MID1: variants seen among roughly 807,000 people sequenced by gnomAD.
The protein encoded by MID1 is E3 ubiquitin-protein ligase Midline-1.
Under a neutral mutation model 40.4 loss-of-function variants are expected in MID1, and 7 were observed. The ratio of observed to expected loss-of-function variants is 0.17; its 90% CI spans 0.10 to 0.33. The LOEUF (loss-of-function observed/expected upper bound fraction) is 0.33, where lower values mean the gene tolerates loss of function less well. Among genes scored for constraint, MID1 ranks in the 10% least tolerant of loss-of-function variants. The pLI, the probability that MID1 is intolerant of heterozygous loss-of-function variation, is 1.00. For synonymous variants in MID1, 229 were observed against 221.2 expected, an observed-to-expected ratio of 1.04 and a Z score of -0.31; for missense variants, 367 against 558.5, an observed-to-expected ratio of 0.66 and a Z score of 3.46.
Position 10,732,945 on chromosome X carries a change from C to T in MID1, c.-187+100609G>A, listed in dbSNP as rs377053486. 5.1e-4 allele frequency among the ~76,000 whole-genome samples: 55 copies of T among 107,772 alleles called. 1 individual carries two copies. Among genetic ancestry groups the T allele is most frequent in the African/African-American group, 1.4e-3 (42 of 29,540 alleles). 93.6% of individuals were successfully genotyped at this position (107,772 alleles called of 115,157 possible). Reference sequence around the variant, plus strand: ...GTGGCGCGATCTCCGCTCACTGCAACCTCCACCTCCCGGGTTCATGCCATT... The same window carrying T: ...GTGGCGCGATCTCCGCTCACTGCAATCTCCACCTCCCGGGTTCATGCCATT... On this transcript the variant is annotated intron_variant, in intron 1 of 10. Coordinates refer to the MID1 transcript ENST00000380785.
intron 1 of MID1, among the ~76,000 whole-genome samples, chrX:10,761,383 G>A (rs2043677235): frequency 8.9e-6 from 1 of 111,910 alleles, no homozygotes; most frequent in Non-Finnish European, 1.9e-5. Flanking sequence ...TACCAATAAA[G>A]TTTTGTTCTC....
At chrX:10,744,684 G>A (rs1314993920) in intron 1 of MID1, among the ~76,000 whole-genome samples, 1 of 111,201 alleles carries the variant, frequency 9.0e-6, no homozygotes, top group Non-Finnish European at 1.9e-5. Flanking sequence ...AATAGGGGCA[G>A]AATAATGTAA....
intron 1 of MID1, among the ~76,000 whole-genome samples, chrX:10,580,949 A>AC (rs1569114520): frequency 9.2e-6 from 1 of 108,159 alleles, no homozygotes; most frequent in African/African-American, 3.4e-5. Flanking sequence ...AAAAAAAAAA[A>AC]AAAAAAAAAC....
At chrX:10,520,415 T>C (rs753087643) in intron 3 of MID1, among the ~76,000 whole-genome samples, 18 of 112,250 alleles carry the variant, frequency 1.6e-4, no homozygotes, top group Admixed American at 3.8e-4. Flanking sequence ...TTGGCTACTC[T>C]ACTGTTCTTT....
rs773135761 is a variant in MID1 at position 10,766,266 on chromosome X, C to G, written c.-187+67288G>C. On this transcript the variant is annotated intron_variant, in intron 1 of 10. Transcript: ENST00000380785. ...ACAACTGGAGAGGGTGTGCTACCAT[C>G]ATTTAGTGGGTAGAGGATATGTAGG... Among the ~76,000 whole-genome samples the G allele has an allele frequency of 4.6e-5, 5 of 108,863 alleles. No homozygotes were observed. In the East Asian group the frequency reaches 1.4e-3, roughly 31 times the overall value. 94.5% of individuals were successfully genotyped at this position (108,863 alleles called of 115,157 possible). A position where few individuals can be genotyped will look rare whatever the true frequency, so the allele number is the denominator to read the frequency against.
chrX:10,630,517 T>A (rs1936041067), intron 1 of MID1, among the ~76,000 whole-genome samples: 1 of 107,294 alleles, frequency 9.3e-6, no homozygotes, highest in Non-Finnish European at 1.9e-5. Flanking sequence ...CAGGAATGTG[T>A]CTGAGGGTGT....
intron 2 of MID1, among the ~76,000 whole-genome samples, chrX:10,551,564 T>C (rs543624329): frequency 2.9e-3 from 320 of 111,957 alleles, no homozygotes; most frequent in Middle Eastern, 0.014. Context: ...AACTTCTACC[T>C]ACACAATACA....
At chrX:10,731,770 C>A (rs1320496543) in intron 1 of MID1, among the ~76,000 whole-genome samples, 1 of 109,458 alleles carries the variant, frequency 9.1e-6, no homozygotes, top group African/African-American at 3.3e-5. Flanking sequence ...ACCAGCCTGG[C>A]CAACATGGCG....
rs73491052 is a variant in MID1 at position 10,803,905 on chromosome X, C to A, written c.-187+29649G>T. On this transcript the variant is annotated intron_variant, in intron 1 of 10. Transcript: ENST00000380785. ...GTATTCCCATTATGTGTATGTTATA[C>A]CTTTTGTGTTTGTAATGGTCTCACT... is the stretch of plus-strand genomic sequence containing the variant. 6.2e-3 allele frequency among the ~76,000 whole-genome samples: 686 copies of A among 111,068 alleles called. 2 individuals are homozygous for A. The highest frequency in any genetic ancestry group is 0.021 in the African/African-American group (638 of 30,567).
intron 1 of MID1, among the ~76,000 whole-genome samples, chrX:10,780,856 C>T (rs899852101): frequency 9.0e-6 from 1 of 111,571 alleles, no homozygotes; most frequent in African/African-American, 3.3e-5. Context: ...TAGTTAGATT[C>T]TCATAAGGAG....
chrX:10,742,884 T>C (rs989629388), intron 1 of MID1, among the ~76,000 whole-genome samples: 14 of 112,561 alleles, frequency 1.2e-4, no homozygotes, highest in African/African-American at 4.5e-4. Context: ...TTCAAACCAA[T>C]GAGATAGACT....
intron 1 of MID1, among the ~76,000 whole-genome samples, chrX:10,796,429 T>A (rs1438480395): frequency 1.9e-5 from 2 of 103,373 alleles, no homozygotes; most frequent in Non-Finnish European, 3.9e-5. Flanking sequence ...TTTTTTCAGT[T>A]TTTTTTTTAA....
chrX:10,813,342 C>CTGCCTACT (rs2044115531), intron 1 of MID1, among the ~76,000 whole-genome samples: 1 of 111,379 alleles, frequency 9.0e-6, no homozygotes, highest in African/African-American at 3.3e-5. Flanking sequence ...TTGCTGGGTC[C>CTGCCTACT]TGCCTACTAC....
At chrX:10,755,585 C>G (rs761915380) in intron 1 of MID1, among the ~76,000 whole-genome samples, 110 of 112,099 alleles carry the variant, frequency 9.8e-4, no homozygotes, top group Non-Finnish European at 1.8e-3. Flanking sequence ...CTCACCACCC[C>G]CCAAGCCAGG....
At chrX:10,583,856 C>G (rs1387815830) in intron 1 of MID1, among the ~76,000 whole-genome samples, 1 of 110,499 alleles carries the variant, frequency 9.0e-6, no homozygotes, top group East Asian at 2.8e-4. Context: ...GATGGTGAAA[C>G]CCCGTCTCTA....
At chrX:10,765,002 C>T (rs2043710485) in intron 1 of MID1, among the ~76,000 whole-genome samples, 1 of 111,981 alleles carries the variant, frequency 8.9e-6, no homozygotes, top group Non-Finnish European at 1.9e-5. Flanking sequence ...ATCATGTTAA[C>T]AGGCTCTCAC....
intron 1 of MID1, among the ~76,000 whole-genome samples, chrX:10,627,559 A>AT (rs1193610107): frequency 9.0e-6 from 1 of 111,691 alleles, no homozygotes; most frequent in Admixed American, 9.5e-5. Flanking sequence ...ATTTAAATCC[A>AT]TTTTTTGTGG....
intron 1 of MID1, among the ~76,000 whole-genome samples, chrX:10,581,320 A>G (rs1404884046): frequency 8.9e-6 from 1 of 112,666 alleles, no homozygotes; most frequent in Non-Finnish European, 1.9e-5. Context: ...TTGAAGCCAG[A>G]TAACCTGAGT....
At chrX:10,669,536 T>C (rs1252152668) in intron 1 of MID1, among the ~76,000 whole-genome samples, 1 of 112,193 alleles carries the variant, frequency 8.9e-6, no homozygotes, top group Non-Finnish European at 1.9e-5. Context: ...TAATTCTAGC[T>C]TTGTCCTCTT....
Sources: gnomAD v4.1 joint callset for allele counts (sites outside exome capture counted in the v4.1 genomes callset) on GRCh38, gnomAD v4.1.1 for gene constraint, MANE v1.5 for transcripts, NCBI Gene and HGNC (gene_info 2026-07-23, HGNC 2026-07-21) for gene names.